Variants in CFAP77 observed in about 807,000 individuals in gnomAD.
The protein encoded by CFAP77 is cilia- and flagella-associated protein 77.
A neutral mutation model predicts 31.1 loss-of-function variants in CFAP77; 25 were observed. The ratio of observed to expected loss-of-function variants is 0.80; its 90% CI spans 0.59 to 1.12. The LOEUF is 1.12. Ranked by LOEUF, CFAP77 falls within the 50% of genes most tolerant of loss-of-function variation. The pLI is 0.00. For synonymous variants in CFAP77, 151 were observed against 159.9 expected (o/e 0.94, Z 0.42); for missense variants, 377 against 397.3 (o/e 0.95, Z 0.44).
In CFAP77 at chr9:132,473,126, G is replaced by C. The variant is rs536546743; in HGVS notation, c.196-25569G>C. Among the ~76,000 whole-genome samples the C allele has an allele frequency of 3.9e-5, 6 of 152,198 alleles. No homozygotes were observed. In the East Asian group the frequency reaches 9.7e-4, roughly 24 times the overall value. On this transcript the variant is annotated intron_variant, in intron 1 of 5. Transcript: ENST00000393216. The stretch of plus-strand genomic sequence containing the variant: ...AGGGGTTGGGGGAGGGAGGTTCCAG[G>C]CTCTTTTTAACAAACAGCTTCCAAG...
intron 4 of CFAP77, among the ~76,000 whole-genome samples, chr9:132,537,925 G>C (rs1852574943): frequency 6.6e-6 from 1 of 152,182 alleles, no homozygotes; most frequent in Admixed American, 6.5e-5. Flanking sequence ...GCGTAGAGGA[G>C]ATGGGTCCGG....
At chr9:132,514,527 C>T (rs1399369044) in intron 3 of CFAP77, among the ~76,000 whole-genome samples, 1 of 152,194 alleles carries the variant, frequency 6.6e-6, no homozygotes, top group Non-Finnish European at 1.5e-5. Context: ...CAGTCGGTTT[C>T]TGAGTGGCCT....
chr9:132,557,604 T>C (rs1852924981), intron 5 of CFAP77, among the ~76,000 whole-genome samples: 2 of 152,206 alleles, frequency 1.3e-5, no homozygotes, highest in South Asian at 4.1e-4. Flanking sequence ...GAGAACCGAT[T>C]TTTTCCAAGT....
chr9:132,504,670 G>A (rs1229667132), intron 3 of CFAP77, among the ~76,000 whole-genome samples: 2 of 152,220 alleles, frequency 1.3e-5, no homozygotes, highest in East Asian at 3.8e-4. Context: ...GGCTTTTATG[G>A]AGCAGAAATA....
intron 4 of CFAP77, among the ~76,000 whole-genome samples, chr9:132,542,696 A>G (rs1421198489): frequency 6.6e-6 from 1 of 152,240 alleles, no homozygotes; most frequent in Non-Finnish European, 1.5e-5. Flanking sequence ...CACATGTTCC[A>G]GAGACTGGAA....
intron 1 of CFAP77, among the ~76,000 whole-genome samples, chr9:132,485,847 G>C (rs76097674): frequency 6.6e-6 from 1 of 151,090 alleles, no homozygotes; most frequent in Non-Finnish European, 1.5e-5. Context: ...ACCACAGACC[G>C]AAGAGGGGGT....
chr9:132,445,651 T>G (rs1850696436), intron 1 of CFAP77, among the ~76,000 whole-genome samples: 1 of 151,950 alleles, frequency 6.6e-6, no homozygotes, highest in South Asian at 2.1e-4. Flanking sequence ...GCAGATCACT[T>G]GAGGTCAGGA....
At chr9:132,420,261 C>G (rs141894259) in intron 1 of CFAP77, among the ~76,000 whole-genome samples, 1 of 151,506 alleles carries the variant, frequency 6.6e-6, no homozygotes, top group African/African-American at 2.4e-5. Flanking sequence ...GCAGCGCAGA[C>G]GGCTGATGAG....
At chr9:132,510,468 G>T (rs1245795049) in intron 3 of CFAP77, among the ~76,000 whole-genome samples, 1 of 152,218 alleles carries the variant, frequency 6.6e-6, no homozygotes, top group Non-Finnish European at 1.5e-5. Context: ...CCGGGACACG[G>T]AGGAGATGGT....
chr9:132,435,614 G>A (rs1445151686), intron 1 of CFAP77, among the ~76,000 whole-genome samples: 1 of 152,190 alleles, frequency 6.6e-6, no homozygotes, highest in African/African-American at 2.4e-5. Flanking sequence ...AGTTAAAGAA[G>A]CTTCATCGAT....
chr9:132,467,186 AATAAATC>A (rs1233174886), intron 1 of CFAP77, among the ~76,000 whole-genome samples: 1 of 152,178 alleles, frequency 6.6e-6, no homozygotes, highest in Non-Finnish European at 1.5e-5. Flanking sequence ...TCAATAAATA[AATAAATC>A]ATAAAATATA....
intron 3 of CFAP77, chr9:132,513,259 A>G: frequency 6.5e-7 from 1 of 1,547,750 alleles, no homozygotes; most frequent in Non-Finnish European, 8.7e-7. Flanking sequence ...TGTTTATTAG[A>G]AAACTTTCCA....
intron 1 of CFAP77, among the ~76,000 whole-genome samples, chr9:132,493,136 T>C (rs1164778272): frequency 6.6e-6 from 1 of 152,022 alleles, no homozygotes; most frequent in African/African-American, 2.4e-5. Context: ...GACACTGTGA[T>C]GTAGTGTAGC....
Position 132,455,091 on chromosome 9 carries a change from A to G in CFAP77, c.196-43604A>G, listed in dbSNP as rs1200243509. Reference sequence around the variant, plus strand: ...GGGAAGGCCCAGTGATATCTTGTGAAGTTTGTTCTACTCGCAGATCCTAGC... The same window carrying G: ...GGGAAGGCCCAGTGATATCTTGTGAGGTTTGTTCTACTCGCAGATCCTAGC... On this transcript the variant is annotated intron_variant, in intron 1 of 5. Transcript: ENST00000393216. This position sits in a 1 kb window ranked among gnomAD's most constrained non-coding sequence, Gnocchi z 4.1. Among the ~76,000 whole-genome samples, 1 of 152,184 alleles carries G rather than the reference A, an allele frequency of 6.6e-6. No individual in the cohort carries two copies. Among genetic ancestry groups the G allele is most frequent in the Non-Finnish European group, 1.5e-5 (1 of 68,032 alleles).
intron 5 of CFAP77, among the ~76,000 whole-genome samples, chr9:132,544,163 C>A (rs575620186): frequency 6.6e-6 from 1 of 150,870 alleles, no homozygotes; most frequent in East Asian, 1.9e-4. Flanking sequence ...TCTGCCCCCC[C>A]TTGACGCGGC....
intron 5 of CFAP77, among the ~76,000 whole-genome samples, chr9:132,550,233 C>A (rs1241684373): frequency 6.6e-6 from 1 of 152,234 alleles, no homozygotes; most frequent in Non-Finnish European, 1.5e-5. Flanking sequence ...CTAGAAGGTT[C>A]TTCTCCCTGA....
intron 3 of CFAP77, among the ~76,000 whole-genome samples, chr9:132,529,507 T>TAAAAAAAAACA (rs1554748116): frequency 0.24 from 25,647 of 107,598 alleles, 3,228 homozygotes; most frequent in African/African-American, 0.29. Context: ...TAGAGTATAA[T>TAAAAAAAAACA]AAAAAAAAAA....
Position 132,564,595 on chromosome 9 carries a change from G to C in CFAP77, c.733-7793G>C, listed in dbSNP as rs1374742920. On this transcript the variant is annotated intron_variant, in intron 5 of 5. Coordinates refer to ENST00000393216, the MANE Select transcript of CFAP77 (RefSeq NM_001282957.2). This position sits in a 1 kb window ranked among gnomAD's most constrained non-coding sequence, Gnocchi z 4.6. ...GTGAGATGAGCTAAAAGAGAATTTA[G>C]AGGGAACACAGTTGCTAATGCTGTG... 6.6e-6 allele frequency among the ~76,000 whole-genome samples: 1 copy of C among 152,206 alleles called. No homozygotes were observed. The highest frequency in any genetic ancestry group is 1.5e-5 in the Non-Finnish European group (1 of 68,036).
At chr9:132,557,063 T>A (rs1403953855) in intron 5 of CFAP77, among the ~76,000 whole-genome samples, 2 of 152,156 alleles carry the variant, frequency 1.3e-5, no homozygotes, top group Non-Finnish European at 2.9e-5. Flanking sequence ...AGATTTAGTG[T>A]TTCTCATTAT....
Sources: allele counts gnomAD v4.1 joint callset (sites outside exome capture counted in the v4.1 genomes callset), GRCh38; gene constraint gnomAD v4.1.1; non-coding constraint Gnocchi (gnomAD v3.1); transcripts MANE v1.5; gene names NCBI Gene and HGNC (gene_info 2026-07-23, HGNC 2026-07-21).